Variants in NRG3 observed in about 807,000 individuals in gnomAD.
The protein encoded by NRG3 is neuregulin 3.
In NRG3, 31 loss-of-function variants were observed where a neutral mutation model predicts 66.9. The observed-to-expected ratio is 0.46, with a 90% confidence interval of 0.35 to 0.63. The LOEUF (loss-of-function observed/expected upper bound fraction) is 0.63, where lower values mean the gene tolerates loss of function less well. NRG3 is among the 20% of genes least tolerant of loss of function. NRG3 has a pLI of 0.00. For missense variants in NRG3, 910 were observed against 878.9 expected (o/e 1.04, Z -0.45); for synonymous variants, 393 against 359.4 (o/e 1.09, Z -1.06).
intron 2 of NRG3, among the ~76,000 whole-genome samples, chr10:82,578,493 C>T (rs944129299): frequency 6.6e-6 from 1 of 151,128 alleles, no homozygotes; most frequent in African/African-American, 2.4e-5. Flanking sequence ...AGGTAATGTG[C>T]CAGAATTGCC....
intron 1 of NRG3, among the ~76,000 whole-genome samples, chr10:82,336,454 T>A (rs2082390617): frequency 6.6e-6 from 1 of 152,122 alleles, no homozygotes; most frequent in Admixed American, 6.5e-5. Flanking sequence ...GAATTTCTGT[T>A]AAAAATTCCG....
At chr10:82,658,790 T>G (rs1468594093) in intron 2 of NRG3, among the ~76,000 whole-genome samples, 1 of 152,216 alleles carries the variant, frequency 6.6e-6, no homozygotes, top group Non-Finnish European at 1.5e-5. Context: ...TAAAATTTAT[T>G]ATTTTTTGCA....
intron 4 of NRG3, among the ~76,000 whole-genome samples, chr10:82,911,491 C>T (rs1440938986): frequency 6.6e-6 from 1 of 151,670 alleles, no homozygotes; most frequent in Non-Finnish European, 1.5e-5. Context: ...TCTTTTAAGG[C>T]ATTGATCAAT....
intron 1 of NRG3, among the ~76,000 whole-genome samples, chr10:82,247,609 C>G (rs2105096): frequency 6.6e-6 from 1 of 152,148 alleles, no homozygotes; most frequent in Non-Finnish European, 1.5e-5. Flanking sequence ...CTACCAAAAT[C>G]TAATACTTGA....
At chr10:82,896,831 T>C (rs1384520941) in intron 4 of NRG3, among the ~76,000 whole-genome samples, 3 of 152,226 alleles carry the variant, frequency 2.0e-5, no homozygotes, top group Non-Finnish European at 4.4e-5. Context: ...AGTTGAAATG[T>C]CTGTCTCAGA....
intron 3 of NRG3, among the ~76,000 whole-genome samples, chr10:82,750,160 G>T (rs1410513859): frequency 6.6e-6 from 1 of 152,088 alleles, no homozygotes; most frequent in South Asian, 2.1e-4. Context: ...TCTTTTGATG[G>T]TGTTTTACAT....
intron 1 of NRG3, among the ~76,000 whole-genome samples, chr10:82,111,494 C>T (rs1302085856): frequency 6.6e-6 from 1 of 152,120 alleles, no homozygotes; most frequent in East Asian, 1.9e-4. Context: ...GCCCTCTATG[C>T]TGTTATCTGA....
At chr10:82,480,049 C>G (rs140973470) in intron 2 of NRG3, among the ~76,000 whole-genome samples, 2 of 152,280 alleles carry the variant, frequency 1.3e-5, no homozygotes, top group Admixed American at 6.5e-5. Flanking sequence ...AGAAAGAATG[C>G]CTAATGTTTT....
intron 1 of NRG3, among the ~76,000 whole-genome samples, chr10:81,935,708 C>T (rs931981691): frequency 1.3e-5 from 2 of 152,154 alleles, no homozygotes; most frequent in African/African-American, 4.8e-5. Context: ...TCTGAGACTT[C>T]TCCCACAGTA....
intron 1 of NRG3, among the ~76,000 whole-genome samples, chr10:81,950,557 TG>T (rs1409818675): frequency 1.3e-5 from 2 of 152,188 alleles, no homozygotes; most frequent in Non-Finnish European, 2.9e-5. Context: ...ATGCCGCTGC[TG>T]AAGTGTGGGC....
intron 4 of NRG3, among the ~76,000 whole-genome samples, chr10:82,937,784 A>G (rs76962805): frequency 1.4e-3 from 219 of 152,332 alleles, no homozygotes; most frequent in African/African-American, 5.1e-3. Flanking sequence ...AGTAGGTTAC[A>G]GTCTATTTGG....
intron 1 of NRG3, among the ~76,000 whole-genome samples, chr10:82,048,440 GAGA>G (rs1246347542): frequency 6.6e-6 from 1 of 152,076 alleles, no homozygotes; most frequent in African/African-American, 2.4e-5. Flanking sequence ...TCAGGATTAA[GAGA>G]CTCACTCAAA....
intron 2 of NRG3, among the ~76,000 whole-genome samples, chr10:82,601,571 CT>C (rs1164853114): frequency 6.6e-6 from 1 of 151,770 alleles, no homozygotes; most frequent in Non-Finnish European, 1.5e-5. Context: ...TACTGGCAAT[CT>C]ATTAGAATCT....
intron 2 of NRG3, among the ~76,000 whole-genome samples, chr10:82,484,683 G>A (rs1842540769): frequency 6.6e-6 from 1 of 152,132 alleles, no homozygotes; most frequent in African/African-American, 2.4e-5. Context: ...ATTTGTCAGT[G>A]ATTACCTTAT....
intron 2 of NRG3, among the ~76,000 whole-genome samples, chr10:82,640,776 A>T (rs1239853797): frequency 6.6e-6 from 1 of 152,172 alleles, no homozygotes. Flanking sequence ...TTAATTCATT[A>T]AGCTCTACTT....
intron 4 of NRG3, among the ~76,000 whole-genome samples, chr10:82,886,307 A>T (rs772739801): frequency 2.6e-5 from 4 of 152,092 alleles, no homozygotes; most frequent in Admixed American, 6.5e-5. Flanking sequence ...TTTATCTTTT[A>T]CAAAGGCACT....
intron 1 of NRG3, among the ~76,000 whole-genome samples, chr10:81,937,940 A>G (rs529017498): frequency 5.3e-5 from 8 of 152,084 alleles, no homozygotes; most frequent in East Asian, 1.9e-4. Flanking sequence ...CTAGAGTCCA[A>G]CTTTGTTCTT....
intron 7 of NRG3, 26 bp from the exon 8 acceptor site, chr10:82,978,924 T>G: frequency 6.2e-7 from 1 of 1,607,794 alleles, no homozygotes; most frequent in African/African-American, 1.3e-5. Flanking sequence ...TTTGTTTGTT[T>G]GTCTGTTTTC....
chr10:81,876,891 C>T (rs1312048896), intron 1 of NRG3, among the ~76,000 whole-genome samples: 1 of 152,040 alleles, frequency 6.6e-6, no homozygotes, highest in African/African-American at 2.4e-5. Flanking sequence ...GAAGGGAGCC[C>T]TGCAGAGCTG....
Sources: allele counts gnomAD v4.1 joint callset (sites outside exome capture counted in the v4.1 genomes callset), GRCh38; gene constraint gnomAD v4.1.1; transcripts MANE v1.5; gene names NCBI Gene and HGNC (gene_info 2026-07-23, HGNC 2026-07-21).